HHAT: variants seen among roughly 807,000 people sequenced by gnomAD.
HHAT encodes the protein hedgehog acyltransferase.
Under a neutral mutation model 70.8 loss-of-function variants are expected in HHAT, and 47 were observed. The ratio of observed to expected loss-of-function variants is 0.66; its 90% CI spans 0.53 to 0.85. The LOEUF is 0.85. Ranked by LOEUF, HHAT falls within the 40% of genes least tolerant of loss-of-function variation. The pLI is 0.00. For missense variants in HHAT, 609 were observed against 604.8 expected, an observed-to-expected ratio of 1.01 and a Z score of -0.07; for synonymous variants, 228 against 247.6, an observed-to-expected ratio of 0.92 and a Z score of 0.74.
Position 210,330,315 on chromosome 1 carries a change from CTG to C in HHAT, c.-44+1216_-44+1217del, listed in dbSNP as rs770234172. On this transcript the variant is annotated intron_variant, in intron 1 of 11. Coordinates refer to ENST00000261458, the MANE Select transcript of HHAT (RefSeq NM_018194.6). ...TTCAATTAATGTTAATTTAAGGAGA[CTG>C]TGTGCTTATTAGGTGCTTTAGATAC... Among the ~76,000 whole-genome samples, 12 of 152,244 alleles carry C rather than the reference CTG, an allele frequency of 7.9e-5. No homozygotes were observed. The East Asian group carries it at 2.1e-3, about 27-fold the overall frequency.
intron 2 of HHAT, among the ~76,000 whole-genome samples, chr1:210,351,589 C>T (rs1558331933): frequency 6.6e-6 from 1 of 152,192 alleles, no homozygotes; most frequent in Non-Finnish European, 1.5e-5. Flanking sequence ...GCTGGCATTT[C>T]TCCTGTTTCA....
At chr1:210,501,499 G>T (rs2094753284) in intron 8 of HHAT, among the ~76,000 whole-genome samples, 1 of 152,208 alleles carries the variant, frequency 6.6e-6, no homozygotes, top group Admixed American at 6.5e-5. Context: ...GGAGTGGAGG[G>T]TTGGAAGGCT....
At chr1:210,357,480 A>G (rs2087763350) in intron 2 of HHAT, among the ~76,000 whole-genome samples, 1 of 152,142 alleles carries the variant, frequency 6.6e-6, no homozygotes, top group African/African-American at 2.4e-5. Context: ...ACTTTATCCA[A>G]ATCTATTTCT....
intron 8 of HHAT, among the ~76,000 whole-genome samples, chr1:210,512,835 C>T (rs570057143): frequency 1.3e-5 from 2 of 152,222 alleles, no homozygotes; most frequent in Admixed American, 6.5e-5. Flanking sequence ...CTAGAGAGAG[C>T]TTACACTTGC....
At chr1:210,660,194 G>A (rs140999803) in intron 11 of HHAT, among the ~76,000 whole-genome samples, 38,986 of 152,108 alleles carry the variant, frequency 0.26, 5,994 homozygotes, top group South Asian at 0.36. Context: ...ATCTCCTTAA[G>A]CTGATAAGCA....
chr1:210,477,266 A>G (rs2094319786), intron 8 of HHAT, among the ~76,000 whole-genome samples: 1 of 152,216 alleles, frequency 6.6e-6, no homozygotes, highest in Non-Finnish European at 1.5e-5. Context: ...AAACTTGGGA[A>G]AAATGAGTTG....
At chr1:210,563,747 C>T (rs1272311492) in intron 9 of HHAT, among the ~76,000 whole-genome samples, 1 of 152,232 alleles carries the variant, frequency 6.6e-6, no homozygotes, top group Non-Finnish European at 1.5e-5. Context: ...CATATTGGGT[C>T]TTCACCATGC....
intron 11 of HHAT, among the ~76,000 whole-genome samples, chr1:210,670,429 T>C (rs1448829014): frequency 1.3e-5 from 2 of 152,194 alleles, no homozygotes; most frequent in Non-Finnish European, 2.9e-5. Context: ...GGTGTGGTGT[T>C]GACCGGTCCC....
chr1:210,561,057 T>C (rs1037591160), intron 9 of HHAT, among the ~76,000 whole-genome samples: 2 of 152,098 alleles, frequency 1.3e-5, no homozygotes, highest in Non-Finnish European at 2.9e-5. Flanking sequence ...GGTCATCTCC[T>C]TTCCAGGTTT....
chr1:210,622,733 T>C (rs1669089750), intron 10 of HHAT, among the ~76,000 whole-genome samples: 2 of 152,188 alleles, frequency 1.3e-5, no homozygotes, highest in African/African-American at 2.4e-5. Context: ...TGTCCTACAC[T>C]CTTATTATGA....
chr1:210,432,345 T>C (rs1216715268), intron 7 of HHAT, among the ~76,000 whole-genome samples: 2 of 151,896 alleles, frequency 1.3e-5, no homozygotes, highest in African/African-American at 2.4e-5. Context: ...TGAGAAGGAA[T>C]GTTAATAAAC....
chr1:210,663,920 CGTGAAA>C (rs1354967214), intron 11 of HHAT, among the ~76,000 whole-genome samples: 3 of 152,138 alleles, frequency 2.0e-5, no homozygotes, highest in Non-Finnish European at 2.9e-5. Flanking sequence ...CCTGAGAGGA[CGTGAAA>C]GTGAAAGTGA....
rs959022223 is a variant in HHAT at position 210,432,896 on chromosome 1, C to G, written c.856+14571C>G. 1.1e-4 allele frequency among the ~76,000 whole-genome samples: 16 copies of G among 151,672 alleles called. 1 individual carries two copies. The highest frequency in any genetic ancestry group is 3.7e-4 in the African/African-American group (15 of 41,036). On this transcript the variant is annotated intron_variant, in intron 7 of 11. Transcript: ENST00000261458. ...GCAGAAGGCATGTGAGCTTTGGGCC[C>G]TGGTGGCAGCCTCTGATTTCCTTCT...
intron 11 of HHAT, among the ~76,000 whole-genome samples, chr1:210,624,006 T>C (rs1399102655): frequency 2.0e-5 from 3 of 152,196 alleles, no homozygotes; most frequent in Non-Finnish European, 4.4e-5. Context: ...GGTTGAATAT[T>C]CCCTTCAAAA....
chr1:210,360,304 GTTTTT>G (rs398053777), intron 2 of HHAT, among the ~76,000 whole-genome samples: 1 of 138,176 alleles, frequency 7.2e-6, no homozygotes, highest in Non-Finnish European at 1.6e-5. Flanking sequence ...TTGTTTTTGT[GTTTTT>G]TTTTTTTTGT....
chr1:210,395,168 G>A (rs141641208), intron 4 of HHAT, among the ~76,000 whole-genome samples: 23 of 152,254 alleles, frequency 1.5e-4, no homozygotes, highest in Non-Finnish European at 2.4e-4. Flanking sequence ...AATAGGCAGG[G>A]ACGTCTGATA....
chr1:210,480,439 A>G (rs1397807334), intron 8 of HHAT, among the ~76,000 whole-genome samples: 1 of 152,234 alleles, frequency 6.6e-6, no homozygotes, highest in Non-Finnish European at 1.5e-5. Context: ...AACACTAGCC[A>G]TAAATAGTTG....
At chr1:210,625,664 A>G (rs1485969383) in intron 11 of HHAT, among the ~76,000 whole-genome samples, 4 of 152,226 alleles carry the variant, frequency 2.6e-5, no homozygotes, top group Non-Finnish European at 5.9e-5. Context: ...AGGGAAATTA[A>G]CACTGGCTGC....
intron 7 of HHAT, among the ~76,000 whole-genome samples, chr1:210,419,674 GAAT>G (rs1390957082): frequency 4.6e-5 from 7 of 152,190 alleles, no homozygotes; most frequent in Non-Finnish European, 1.0e-4. Flanking sequence ...TACTTAATCA[GAAT>G]GTTTCCAAGG....
Sources: allele counts gnomAD v4.1 joint callset (sites outside exome capture counted in the v4.1 genomes callset), GRCh38; gene constraint gnomAD v4.1.1; transcripts MANE v1.5; gene names NCBI Gene and HGNC (gene_info 2026-07-23, HGNC 2026-07-21).